The following PUM2 variants were observed in gnomAD, a reference collection of about 807,000 sequenced individuals.
PUM2 encodes the protein pumilio homolog 2.
A neutral mutation model predicts 124.5 loss-of-function variants in PUM2; 57 were observed. That is an observed-to-expected ratio of 0.46 (90% CI 0.37 to 0.57). The LOEUF (loss-of-function observed/expected upper bound fraction) is 0.57. Ranked by LOEUF, PUM2 falls within the 20% of genes least tolerant of loss-of-function variation. The pLI is 0.00. For missense variants in PUM2, 1,065 were observed against 1,290.6 expected (o/e 0.83, Z 2.68); for synonymous variants, 460 against 446.1 (o/e 1.03, Z -0.39).
chr2:20,323,264 C>A (rs1023724711), intron 2 of PUM2, among the ~76,000 whole-genome samples: 2 of 151,868 alleles, frequency 1.3e-5, no homozygotes, highest in African/African-American at 4.8e-5. Context: ...CTGGCTAACA[C>A]TGTGAAACTC....
intron 1 of PUM2, among the ~76,000 whole-genome samples, chr2:20,334,136 C>T (rs896303723): frequency 6.6e-6 from 1 of 151,960 alleles, no homozygotes; most frequent in Non-Finnish European, 1.5e-5. Context: ...CATCCTGTTT[C>T]TACAAAAAAA....
chr2:20,341,741 T>C (rs996810255), intron 1 of PUM2, among the ~76,000 whole-genome samples: 1 of 152,236 alleles, frequency 6.6e-6, no homozygotes, highest in African/African-American at 2.4e-5. Context: ...GTCCAACAAA[T>C]GAAGACTTGT....
chr2:20,278,772 T>A lies in PUM2; in HGVS notation c.1768A>T (p.Thr590Ser). ...SSATRRESLSTSSDLYKRSSS... is the reference protein window; with the variant it reads ...SSATRRESLSSSSDLYKRSSS... ...GATCTTTTGTACAAGTCAGAGCTAGTAGATAGAGACTCTCTCCTTGTGGCA... is the reference window on the plus strand; with the variant it reads ...GATCTTTTGTACAAGTCAGAGCTAGAAGATAGAGACTCTCTCCTTGTGGCA... Residue 590 changes from threonine (T) to serine (S), a missense_variant, in exon 13 of 21, where the codon ACT (threonine) becomes TCT (serine). By Grantham distance (58) the Thr-to-Ser change is moderately conservative. Transcript: ENST00000361078. The A allele has an allele frequency of 5.6e-6, 9 of 1,613,590 alleles. No individual in the cohort carries two copies. The highest frequency in any genetic ancestry group is 7.6e-6 in the Non-Finnish European group (9 of 1,179,686).
chr2:20,337,917 C>T (rs1686455902), intron 1 of PUM2, among the ~76,000 whole-genome samples: 1 of 152,252 alleles, frequency 6.6e-6, no homozygotes, highest in Non-Finnish European at 1.5e-5. Flanking sequence ...ATATAATTCT[C>T]ACTATAATCC....
At chr2:20,251,849 T>C in intron 20 of PUM2, 133 bp from the exon 21 acceptor site, 6 of 1,130,132 alleles carry the variant, frequency 5.3e-6, no homozygotes, top group Non-Finnish European at 6.1e-6. Context: ...AGAAAGCTAC[T>C]TTTTGCAAAA....
chr2:20,328,342 C>G (rs1191861252), intron 1 of PUM2, among the ~76,000 whole-genome samples: 1 of 151,458 alleles, frequency 6.6e-6, no homozygotes, highest in East Asian at 1.9e-4. Flanking sequence ...AACAAACAAA[C>G]AAAAAAAACA....
chr2:20,336,275 C>T (rs1351642705), intron 1 of PUM2, among the ~76,000 whole-genome samples: 1 of 151,886 alleles, frequency 6.6e-6, no homozygotes, highest in East Asian at 1.9e-4. Flanking sequence ...ACAGCCTTGA[C>T]CTCCTGGGCT....
intron 14 of PUM2, among the ~76,000 whole-genome samples, chr2:20,261,422 A>AAAAAAAT (rs1666230432): frequency 2.1e-5 from 3 of 144,614 alleles, no homozygotes; most frequent in Non-Finnish European, 3.0e-5. Context: ...AAAAAAAAAA[A>AAAAAAAT]GTGTAGTACA....
chr2:20,331,216 G>C lies in PUM2; in HGVS notation c.-18-3838C>G, dbSNP rs141850494. Among the ~76,000 whole-genome samples the C allele has an allele frequency of 1.3e-3, 202 of 152,124 alleles. 2 individuals carry two copies. Among genetic ancestry groups the C allele is most frequent in the African/African-American group, 4.5e-3 (185 of 41,506 alleles). The stretch of plus-strand genomic sequence containing the variant: ...GAAATGGGAATAGAAGGAACGAAAG[G>C]GTAGGGGATGAGAAACTTTTGATTC... On this transcript the variant is annotated intron_variant, in intron 1 of 20. Coordinates refer to ENST00000361078, the MANE Select transcript of PUM2 (RefSeq NM_015317.5).
chr2:20,262,824 C>T (rs1666626093), intron 14 of PUM2, among the ~76,000 whole-genome samples: 1 of 152,118 alleles, frequency 6.6e-6, no homozygotes, highest in South Asian at 2.1e-4. Flanking sequence ...ACACTGAATA[C>T]CAACCTATAA....
At chr2:20,318,400 G>C (rs1252190985) in intron 3 of PUM2, 137 bp downstream of exon 3, 1 of 692,684 alleles carries the variant, frequency 1.4e-6, no homozygotes, top group African/African-American at 1.8e-5. Flanking sequence ...TCAGTTATTT[G>C]AGACCAGCCT....
chr2:20,294,255 G>C (rs902012013), intron 9 of PUM2, 121 bp downstream of exon 9: 12 of 1,072,458 alleles, frequency 1.1e-5, no homozygotes, highest in African/African-American at 3.2e-5. Context: ...CGTATCAACT[G>C]TATGCCAGGA....
chr2:20,283,169 G>A lies in PUM2; in HGVS notation c.1498C>T (p.Arg500Trp), dbSNP rs1360097138. The A allele has an allele frequency of 1.2e-6, 2 of 1,614,030 alleles. No homozygotes were observed. The highest frequency in any genetic ancestry group is 2.2e-5 in the East Asian group (1 of 44,884). The change falls in exon 12 of 21, where the codon CGG becomes TGG. Residue 500 changes from arginine to tryptophan, a missense_variant. By Grantham distance (101) the Arg-to-Trp change is moderately radical. Transcript: ENST00000361078. ...SLTGSTNGLF[R>W]PIGTQPPQQQ... Reference sequence around the variant, plus strand: ...TGTGGTGGCTGAGTGCCAATTGGCCGAAACAGACCATTTGTGCTGCCTGTA... The same window carrying A: ...TGTGGTGGCTGAGTGCCAATTGGCCAAAACAGACCATTTGTGCTGCCTGTA...
At chr2:20,257,043 C>CAAAAAAAAAAAA (rs58072146) in intron 16 of PUM2, among the ~76,000 whole-genome samples, 16 of 71,794 alleles carry the variant, frequency 2.2e-4, no homozygotes, top group African/African-American at 5.9e-4. Flanking sequence ...GATTCCGTCT[C>CAAAAAAAAAAAA]AAAAAAAAAA....
intron 1 of PUM2, among the ~76,000 whole-genome samples, chr2:20,328,905 C>T (rs995909283): frequency 2.0e-5 from 3 of 152,156 alleles, no homozygotes; most frequent in Non-Finnish European, 4.4e-5. Flanking sequence ...GGTGCGGTGG[C>T]TCATGCCTAT....
intron 1 of PUM2, among the ~76,000 whole-genome samples, chr2:20,333,378 T>C (rs115073128): frequency 6.6e-6 from 1 of 151,498 alleles, no homozygotes; most frequent in Non-Finnish European, 1.5e-5. Flanking sequence ...TACAAAAAAT[T>C]AAAAAATTAG....
chr2:20,285,215 T>C (rs991533108), intron 10 of PUM2, among the ~76,000 whole-genome samples: 2 of 152,238 alleles, frequency 1.3e-5, no homozygotes, highest in Non-Finnish European at 2.9e-5. Context: ...TTCATTTACC[T>C]TCCAATCTTT....
At chr2:20,351,683 G>A (rs777699399), upstream of PUM2, among the ~76,000 whole-genome samples, 7 of 152,236 alleles carry the variant, frequency 4.6e-5, no homozygotes, top group African/African-American at 9.6e-5. Flanking sequence ...TCACACAGCT[G>A]TAACAGGCAC....
At chr2:20,347,568 C>CTA (rs1688492105) in intron 1 of PUM2, among the ~76,000 whole-genome samples, 1 of 152,180 alleles carries the variant, frequency 6.6e-6, no homozygotes, top group Non-Finnish European at 1.5e-5. Flanking sequence ...TGTCTCCTGT[C>CTA]TATATATATT....
Sources: gnomAD v4.1 joint callset for allele counts (sites outside exome capture counted in the v4.1 genomes callset) on GRCh38, gnomAD v4.1.1 for gene constraint, MANE v1.5 for transcripts, NCBI Gene and HGNC (gene_info 2026-07-23, HGNC 2026-07-21) for gene names.